The following PLEKHA7 variants were observed in gnomAD, a reference collection of about 807,000 sequenced individuals.
PLEKHA7 encodes the protein pleckstrin homology domain containing A7.
In PLEKHA7, 104 loss-of-function variants were observed where a neutral mutation model predicts 170.0. That is an observed-to-expected ratio of 0.61 (90% CI 0.52 to 0.72). The LOEUF is 0.72. Ranked by LOEUF, PLEKHA7 falls within the 30% of genes least tolerant of loss-of-function variation. The pLI, the probability that PLEKHA7 is intolerant of heterozygous loss-of-function variation, is 0.00. For missense variants in PLEKHA7, 1,615 were observed against 1,671.7 expected (o/e 0.97, Z 0.59); for synonymous variants, 648 against 660.8 (o/e 0.98, Z 0.30).
chr11:17,005,122 G>T (rs981903717), intron 3 of PLEKHA7, among the ~76,000 whole-genome samples: 1 of 152,188 alleles, frequency 6.6e-6, no homozygotes, highest in African/African-American at 2.4e-5. Context: ...GACTTAACGG[G>T]GGGGGTAAAC....
At chr11:16,855,092 C>G in intron 5 of PLEKHA7, 99 bp from the exon 6 acceptor site, 1 of 923,594 alleles carries the variant, frequency 1.1e-6, no homozygotes, top group Admixed American at 1.9e-5. Flanking sequence ...CTGCCTCACT[C>G]TAAATGGCAG....
At chr11:16,783,896 T>C (rs1590105682) in intron 24 of PLEKHA7, 63 bp from the exon 25 acceptor site, 7 of 1,339,574 alleles carry the variant, frequency 5.2e-6, no homozygotes, top group Non-Finnish European at 6.7e-6. Context: ...GGACTCGCTT[T>C]CCCCACCTCT....
In PLEKHA7 at chr11:16,804,721, G is replaced by A. The variant is rs906228860; in HGVS notation, c.2008-1426C>T. On this transcript the variant is annotated intron_variant, in intron 13 of 26. Coordinates refer to ENST00000531066, the MANE Select transcript of PLEKHA7 (RefSeq NM_001329630.2). The stretch of plus-strand genomic sequence containing the variant: ...GAATTGCATTGCATGTAGGTCAAAG[G>A]GAAACACATGTAGGTCAGTGTTGTT... 2.0e-5 allele frequency among the ~76,000 whole-genome samples: 3 copies of A among 152,268 alleles called. No homozygotes were observed. In the East Asian group the frequency reaches 5.8e-4, roughly 29 times the overall value.
At chr11:16,926,023 C>G (rs943091762) in intron 3 of PLEKHA7, among the ~76,000 whole-genome samples, 1 of 152,248 alleles carries the variant, frequency 6.6e-6, no homozygotes, top group African/African-American at 2.4e-5. Flanking sequence ...AAGTGCCCAT[C>G]GGCTGGGAAG....
intron 3 of PLEKHA7, among the ~76,000 whole-genome samples, chr11:16,908,777 T>G (rs909025598): frequency 6.6e-6 from 1 of 152,212 alleles, no homozygotes; most frequent in Admixed American, 6.5e-5. Flanking sequence ...ATTACAGGCA[T>G]GAGCCACCGC....
chr11:16,869,517 C>T (rs910654955), intron 4 of PLEKHA7, among the ~76,000 whole-genome samples: 5 of 152,192 alleles, frequency 3.3e-5, no homozygotes, highest in Non-Finnish European at 5.9e-5. Flanking sequence ...GTAATGCCTC[C>T]GGCACAGAGC....
chr11:16,988,429 TTTCC>T (rs896057975), intron 3 of PLEKHA7, among the ~76,000 whole-genome samples: 1 of 152,174 alleles, frequency 6.6e-6, no homozygotes, highest in Non-Finnish European at 1.5e-5. Context: ...TCTTTCCTTC[TTTCC>T]TTCCTTCTTT....
rs1355751491 is a variant in PLEKHA7, at chr11:16,871,085, A to C, written c.305+14T>G. 1 of 1,565,594 alleles carries C rather than the reference A, an allele frequency of 6.4e-7. No individual in the cohort carries two copies. Among genetic ancestry groups the C allele is most frequent in the Non-Finnish European group, 8.8e-7 (1 of 1,136,624 alleles). On this transcript the variant is annotated intron_variant, in intron 4 of 26. Transcript: ENST00000531066. ...TACTCTGCCCAGATAAGGAGAATAC[A>C]TAAAAAGACTTACTCTTCTTGAAGA...
intron 3 of PLEKHA7, among the ~76,000 whole-genome samples, chr11:16,958,991 T>G (rs1415418108): frequency 1.3e-5 from 2 of 152,156 alleles, no homozygotes; most frequent in African/African-American, 2.4e-5. Context: ...AAGCTCCTTT[T>G]GTTTACACTT....
chr11:16,997,453 G>C (rs571982513), intron 3 of PLEKHA7, among the ~76,000 whole-genome samples: 2 of 152,278 alleles, frequency 1.3e-5, no homozygotes, highest in South Asian at 2.1e-4. Flanking sequence ...TCCATCTCTA[G>C]AGGGAGTCAA....
chr11:16,810,167 C>A (rs571539615), intron 13 of PLEKHA7, among the ~76,000 whole-genome samples: 2 of 152,244 alleles, frequency 1.3e-5, no homozygotes, highest in Non-Finnish European at 2.9e-5. Context: ...ATTCCCTTTT[C>A]GACTTAGCAT....
At chr11:16,828,448 T>C (rs1028795335) in intron 9 of PLEKHA7, among the ~76,000 whole-genome samples, 64 of 152,182 alleles carry the variant, frequency 4.2e-4, no homozygotes, top group Admixed American at 2.6e-4. Context: ...TAAACCTCTT[T>C]CCTTTATAAA....
chr11:16,833,890 G>C (rs1176772694), intron 9 of PLEKHA7, among the ~76,000 whole-genome samples: 2 of 152,092 alleles, frequency 1.3e-5, no homozygotes, highest in Admixed American at 6.6e-5. Flanking sequence ...TTTCATGAAA[G>C]GTAATAAAAG....
At chr11:16,914,818 C>T (rs1002006219) in intron 3 of PLEKHA7, among the ~76,000 whole-genome samples, 2 of 152,204 alleles carry the variant, frequency 1.3e-5, no homozygotes, top group African/African-American at 4.8e-5. Flanking sequence ...CTCCAGCCAA[C>T]TTGCCTCAAA....
intron 5 of PLEKHA7, among the ~76,000 whole-genome samples, chr11:16,855,397 T>C (rs1853353786): frequency 1.3e-5 from 2 of 152,200 alleles, no homozygotes; most frequent in African/African-American, 4.8e-5. Flanking sequence ...CAATGCTGGT[T>C]CTTTACCCTG....
intron 3 of PLEKHA7, among the ~76,000 whole-genome samples, chr11:16,907,161 G>C (rs1203111931): frequency 3.4e-5 from 2 of 58,834 alleles, no homozygotes; most frequent in Non-Finnish European, 8.2e-5. Flanking sequence ...GAAGGGAGGT[G>C]GGGGGGTTAG....
At chr11:16,831,812 C>T (rs1316893429) in intron 9 of PLEKHA7, among the ~76,000 whole-genome samples, 1 of 152,196 alleles carries the variant, frequency 6.6e-6, no homozygotes, top group African/African-American at 2.4e-5. Context: ...AGAAACAGCA[C>T]AGCACAGTGT....
rs1848722767 is a variant in PLEKHA7 at position 16,803,256 on chromosome 11, G to C, written c.2047C>G (p.Pro683Ala). ...GTGTCGCTCTCAGCGATCTTCACAG[G>C]CTTCAGACTTCGATCCTTGAGAAGG... ...RDLLKDRSLK[P>A]VKIAESDTDV... Residue 683 changes from proline (P) to alanine (A), a missense_variant, in exon 14 of 27, where the codon CCT (proline) becomes GCT (alanine). By Grantham distance (27) the Pro-to-Ala change is conservative. Coordinates refer to ENST00000531066, the MANE Select transcript of PLEKHA7 (RefSeq NM_001329630.2). 1 of 1,614,076 alleles carries C rather than the reference G, an allele frequency of 6.2e-7. No homozygotes were observed. Among genetic ancestry groups the C allele is most frequent in the African/African-American group, 1.3e-5 (1 of 75,048 alleles).
intron 3 of PLEKHA7, among the ~76,000 whole-genome samples, chr11:16,973,409 G>A (rs1319880990): frequency 2.0e-5 from 3 of 152,116 alleles, no homozygotes; most frequent in Admixed American, 1.3e-4. Flanking sequence ...CTCCCAGATC[G>A]ACCCCCTTCA....
Sources: allele counts gnomAD v4.1 joint callset (sites outside exome capture counted in the v4.1 genomes callset), GRCh38; gene constraint gnomAD v4.1.1; transcripts MANE v1.5; gene names NCBI Gene and HGNC (gene_info 2026-07-23, HGNC 2026-07-21).